Variants in OPCML observed in about 807,000 individuals in gnomAD.
The protein encoded by OPCML is opioid-binding protein/cell adhesion molecule.
A neutral mutation model predicts 37.8 loss-of-function variants in OPCML; 13 were observed. The ratio of observed to expected loss-of-function variants is 0.34; its 90% CI spans 0.22 to 0.55. The LOEUF is 0.55. Among genes scored for constraint, OPCML ranks in the 20% least tolerant of loss-of-function variants. The pLI is 0.91. For synonymous variants in OPCML, 176 were observed against 168.8 expected (o/e 1.04, Z -0.33); for missense variants, 341 against 435.6 (o/e 0.78, Z 1.93).
In OPCML at chr11:133,212,188, C is replaced by T. The variant is rs1007590349; in HGVS notation, c.62-269178G>A. ...CACAACATCATAATGACCAATCAATCAACCAAACCAGCAAGGACAACAACA... is the reference window on the plus strand; with the variant it reads ...CACAACATCATAATGACCAATCAATTAACCAAACCAGCAAGGACAACAACA... On this transcript the variant is annotated intron_variant, in intron 1 of 7. Coordinates refer to ENST00000524381, the MANE Select transcript of OPCML (RefSeq NM_001012393.5). This position sits in a 1 kb window ranked among gnomAD's most constrained non-coding sequence, Gnocchi z 4.9. 6.6e-6 allele frequency among the ~76,000 whole-genome samples: 1 copy of T among 152,150 alleles called. No homozygotes were observed. The highest frequency in any genetic ancestry group is 1.5e-5 in the Non-Finnish European group (1 of 68,030).
chr11:133,005,652 A>T (rs970005430), intron 1 of OPCML: 1 of 984,124 alleles, frequency 1.0e-6, no homozygotes, highest in East Asian at 1.1e-4. Context: ...CCAAGAAAAA[A>T]AAACTGTTAT....
intron 7 of OPCML, among the ~76,000 whole-genome samples, chr11:132,432,316 G>T (rs1738802013): frequency 6.6e-6 from 1 of 152,192 alleles, no homozygotes; most frequent in African/African-American, 2.4e-5. Flanking sequence ...GGGGCATTGA[G>T]GACTAGGAAG....
chr11:133,257,379 A>G (rs1043030067), intron 1 of OPCML, among the ~76,000 whole-genome samples: 2 of 152,204 alleles, frequency 1.3e-5, no homozygotes, highest in African/African-American at 4.8e-5. Flanking sequence ...TTCTCATTTT[A>G]CTGTGATTTG....
At chr11:132,841,014 C>T (rs1423550900) in intron 2 of OPCML, among the ~76,000 whole-genome samples, 2 of 152,136 alleles carry the variant, frequency 1.3e-5, no homozygotes, top group South Asian at 2.1e-4. Context: ...ACTTCTCTAA[C>T]CTCAGAGTCG....
chr11:133,125,362 T>A (rs1949484723), intron 1 of OPCML, among the ~76,000 whole-genome samples: 2 of 151,970 alleles, frequency 1.3e-5, no homozygotes, highest in African/African-American at 4.8e-5. Context: ...CTTTTTCTCT[T>A]CCTCTCTACC....
intron 1 of OPCML, among the ~76,000 whole-genome samples, chr11:133,319,799 C>G (rs1472633224): frequency 6.6e-6 from 1 of 152,194 alleles, no homozygotes; most frequent in African/African-American, 2.4e-5. Context: ...TTACAGCTGG[C>G]AGCTCCTGAG....
At position 133,180,766 on chromosome 11, in the gene OPCML, C is replaced by T. The variant is rs554111813; in HGVS notation, c.62-237756G>A. 7.3e-5 allele frequency among the ~76,000 whole-genome samples: 11 copies of T among 149,670 alleles called. No homozygotes were observed. The South Asian group carries it at 1.7e-3, about 23-fold the overall frequency. ...AGGCTGCTTTACGGTACGCATCACACGCAGTCTGGAAAGACGTCTGTACTC... is the reference window on the plus strand; with the variant it reads ...AGGCTGCTTTACGGTACGCATCACATGCAGTCTGGAAAGACGTCTGTACTC... On this transcript the variant is annotated intron_variant, in intron 1 of 7. Transcript: ENST00000524381.
chr11:132,880,946 C>T lies in OPCML; in HGVS notation c.146+61980G>A, dbSNP rs144012949. Among the ~76,000 whole-genome samples, 190 of 152,314 alleles carry T rather than the reference C, an allele frequency of 1.2e-3. 1 individual carries two copies. Among genetic ancestry groups the T allele is most frequent in the African/African-American group, 4.2e-3 (174 of 41,584 alleles). ...CCCCACCCCCACTTCCATTCCCAGCCCCTTGCCTCTTTTGGCCAGACTAAT... is the reference window on the plus strand; with the variant it reads ...CCCCACCCCCACTTCCATTCCCAGCTCCTTGCCTCTTTTGGCCAGACTAAT... On this transcript the variant is annotated intron_variant, in intron 2 of 7. Transcript: ENST00000524381.
At chr11:132,693,686 C>G (rs1377907608) in intron 2 of OPCML, among the ~76,000 whole-genome samples, 1 of 152,050 alleles carries the variant, frequency 6.6e-6, no homozygotes, top group African/African-American at 2.4e-5. Flanking sequence ...AAAATTTTAC[C>G]AACAATTAAG....
At chr11:133,324,982 T>G (rs576556193) in intron 1 of OPCML, among the ~76,000 whole-genome samples, 7 of 152,310 alleles carry the variant, frequency 4.6e-5, no homozygotes, top group African/African-American at 1.7e-4. Flanking sequence ...CATCCTTGAA[T>G]CTCTTTGACT....
intron 4 of OPCML, among the ~76,000 whole-genome samples, chr11:132,518,718 C>G (rs1053985538): frequency 1.3e-5 from 2 of 152,176 alleles, no homozygotes; most frequent in Non-Finnish European, 2.9e-5. Flanking sequence ...GCAGCTACCA[C>G]ACTGTGAGAT....
At chr11:133,243,693 G>C (rs1320057123) in intron 1 of OPCML, among the ~76,000 whole-genome samples, 1 of 152,196 alleles carries the variant, frequency 6.6e-6, no homozygotes, top group African/African-American at 2.4e-5. Context: ...TTTTTGCAGG[G>C]GATCTGGGAG....
chr11:133,007,759 G>A (rs921289304), intron 1 of OPCML: 36 of 985,302 alleles, frequency 3.7e-5, no homozygotes, highest in African/African-American at 8.7e-5. Context: ...GTGAAAAGAC[G>A]CAGGCATAGA....
intron 2 of OPCML, among the ~76,000 whole-genome samples, chr11:132,826,567 T>C (rs951047210): frequency 9.2e-5 from 14 of 152,208 alleles, no homozygotes; most frequent in African/African-American, 2.4e-4. Flanking sequence ...GATTATTCCA[T>C]AGAGCAGAAA....
intron 2 of OPCML, among the ~76,000 whole-genome samples, chr11:132,849,668 C>G (rs1008355971): frequency 7.0e-6 from 1 of 142,712 alleles, no homozygotes. Flanking sequence ...ATGCAACTAT[C>G]TTGAGGAACA....
At chr11:132,920,641 G>A (rs1211757291) in intron 2 of OPCML, among the ~76,000 whole-genome samples, 6 of 152,116 alleles carry the variant, frequency 3.9e-5, no homozygotes, top group Admixed American at 2.0e-4. Context: ...GGCGCTTTAC[G>A]AGCCCTTCTT....
At chr11:133,081,990 TC>T (rs1408048031) in intron 1 of OPCML, among the ~76,000 whole-genome samples, 3 of 152,096 alleles carry the variant, frequency 2.0e-5, no homozygotes, top group Admixed American at 6.5e-5. Context: ...CCCGGGAAGT[TC>T]TGTCCCTGCT....
At chr11:133,447,536 A>G (rs548766378) in intron 1 of OPCML, among the ~76,000 whole-genome samples, 25 of 152,140 alleles carry the variant, frequency 1.6e-4, no homozygotes, top group South Asian at 8.3e-4. Context: ...TTCTCCCCCA[A>G]TGACTTCCCA....
intron 1 of OPCML, among the ~76,000 whole-genome samples, chr11:133,116,001 G>A (rs771354431): frequency 2.0e-5 from 3 of 151,846 alleles, no homozygotes; most frequent in Non-Finnish European, 2.9e-5. Flanking sequence ...ACGGGGTCTC[G>A]CTCTGTCACC....
Sources: allele counts gnomAD v4.1 joint callset (sites outside exome capture counted in the v4.1 genomes callset), GRCh38; gene constraint gnomAD v4.1.1; non-coding constraint Gnocchi (gnomAD v3.1); transcripts MANE v1.5; gene names NCBI Gene and HGNC (gene_info 2026-07-23, HGNC 2026-07-21).